Variants in KRTAP10-4 observed in about 807,000 individuals in gnomAD.
KRTAP10-4 encodes the protein keratin-associated protein 10-4.
For missense variants in KRTAP10-4, 374 were observed against 507.6 expected, an observed-to-expected ratio of 0.74 and a Z score of 2.53; for synonymous variants, 147 against 213.7, an observed-to-expected ratio of 0.69 and a Z score of 2.72.
In KRTAP10-4 at chr21:44,573,748, C is replaced by T. The variant is rs1555923028; in HGVS notation, c.-11C>T. The T allele has an allele frequency of 6.2e-7, 1 of 1,611,060 alleles. No individual in the cohort carries two copies. The highest frequency in any genetic ancestry group is 8.5e-7 in the Non-Finnish European group (1 of 1,178,368). On this transcript the variant is annotated 5_prime_UTR_variant, in exon 1 of 1. Coordinates refer to ENST00000400374, the MANE Select transcript of KRTAP10-4 (RefSeq NM_198687.2). ...TCCCCCAGCTCAACCCCCAGCACAG[C>T]AGCATCCACCATGTCCGTCTGCTCC...
chr21:44,574,459 G>A lies in KRTAP10-4; in HGVS notation c.701G>A (p.Cys234Tyr), dbSNP rs1467336415. 1.2e-6 allele frequency: 2 copies of A among 1,601,386 alleles called. No individual in the cohort carries two copies. The highest frequency in any genetic ancestry group is 1.7e-6 in the Non-Finnish European group (2 of 1,174,362). The change falls in exon 1 of 1, where the codon TGC becomes TAC. Residue 234 changes from cysteine to tyrosine, a missense_variant. Transcript: ENST00000400374. ...CQQACCVPVC[C>Y]KTVCCKPVCS... ...CAGGCCTGCTGCGTGCCCGTCTGCT[G>A]CAAGACTGTCTGCTGCAAGCCTGTG...
At chr21:44,573,850 A>AC in the KRTAP10-4 span, 1 of 1,595,090 alleles carries the variant, frequency 6.3e-7, no homozygotes, top group Non-Finnish European at 8.6e-7. Context: ...CAGGTGGACG[A>AC]CTGCCCAGAG....
rs199545235 is a variant in KRTAP10-4 at position 44,574,095 on chromosome 21, G to A, written c.337G>A (p.Val113Ile). ...SPCQQACCVP[V>I]CCKTVCCKPV... ...CTGCCAGCAGGCCTGCTGCGTGCCC[G>A]TCTGCTGCAAGACTGTCTGCTGCAA... The change falls in exon 1 of 1, where the codon GTC becomes ATC. Residue 113 changes from valine (V) to isoleucine (I), a missense_variant. Physicochemically the swap from Val to Ile is conservative, Grantham distance 29. Transcript: ENST00000400374. 4.3e-5 allele frequency: 69 copies of A among 1,607,736 alleles called. No homozygotes were observed. The highest frequency in any genetic ancestry group is 1.5e-4 in the African/African-American group (11 of 73,766).
rs370710609 is a variant in KRTAP10-4 at position 44,574,871 on chromosome 21, C to G, written c.1113C>G (p.Pro371=). The change falls in exon 1 of 1, where the codon CCC becomes CCG. Residue 371 remains proline, a synonymous_variant. Transcript: ENST00000400374. The part of the protein sequence containing the change: ...VSLLCRPVCR[P]ACCVPVPSCC... ...TCCTCTGCCGCCCCGTGTGCAGGCCCGCCTGCTGCGTGCCCGTCCCTTCCT... is the reference window on the plus strand; with the variant it reads ...TCCTCTGCCGCCCCGTGTGCAGGCCGGCCTGCTGCGTGCCCGTCCCTTCCT... The G allele has an allele frequency of 1.9e-6, 3 of 1,612,398 alleles. No homozygotes were observed. In the East Asian group the frequency reaches 6.7e-5, roughly 36 times the overall value.
the KRTAP10-4 span, chr21:44,574,653 C>T: frequency 9.4e-6 from 15 of 1,602,888 alleles, no homozygotes; most frequent in Non-Finnish European, 1.2e-5. Flanking sequence ...TCTGTGCTGC[C>T]AGCAGTCTAG....
At position 44,575,168 on chromosome 21, in the gene KRTAP10-4, A is replaced by C; in HGVS notation, c.*204A>C. 4 of 828,814 alleles carry C rather than the reference A, an allele frequency of 4.8e-6. No individual in the cohort carries two copies. Among genetic ancestry groups the C allele is most frequent in the Non-Finnish European group, 5.6e-6 (3 of 533,454 alleles). 51.3% of individuals were successfully genotyped at this position (828,814 alleles called of 1,614,324 possible). On this transcript the variant is annotated 3_prime_UTR_variant, in exon 1 of 1. Coordinates refer to ENST00000400374, the MANE Select transcript of KRTAP10-4 (RefSeq NM_198687.2). ...TGGAAGAACTGAAAGTCTATACTCAATGCTGCAGCCCTCTTGCGGGGGGAG... is the reference window on the plus strand; with the variant it reads ...TGGAAGAACTGAAAGTCTATACTCACTGCTGCAGCCCTCTTGCGGGGGGAG...
At position 44,574,402 on chromosome 21, in the gene KRTAP10-4, A is replaced by G. The variant is rs1555923354; in HGVS notation, c.644A>G (p.Gln215Arg). 6.2e-7 allele frequency: 1 copy of G among 1,602,460 alleles called. No homozygotes were observed. The highest frequency in any genetic ancestry group is 1.7e-5 in the Admixed American group (1 of 59,204). ...TCGTGCTGCCAGCAGTCTAGCTGCC[A>G]GCCGGCTTGCTGCACCTCCTCCTCC... Reference protein sequence around the residue: ...TPSCCQQSSCQPACCTSSSCQ... With the variant: ...TPSCCQQSSCRPACCTSSSCQ... The change falls in exon 1 of 1, where the codon CAG becomes CGG. Residue 215 changes from glutamine (Q) to arginine (R), a missense_variant. Coordinates refer to ENST00000400374, the MANE Select transcript of KRTAP10-4 (RefSeq NM_198687.2).
chr21:44,574,332 G>A lies in KRTAP10-4; in HGVS notation c.574G>A (p.Glu192Lys). 6.2e-7 allele frequency: 1 copy of A among 1,606,652 alleles called. No individual in the cohort carries two copies. Among genetic ancestry groups the A allele is most frequent in the Non-Finnish European group, 8.5e-7 (1 of 1,177,966 alleles). ...CAGCCCCTGCTGCCAGGCGGTCTGT[G>A]AGCCCAGCCCCTGCCAATCAGGCTG... is the stretch of plus-strand genomic sequence containing the variant. ...VSSPCCQAVC[E>K]PSPCQSGCIS... The change falls in exon 1 of 1, where the codon GAG becomes AAG. Residue 192 changes from glutamate (E) to lysine (K), a missense_variant. Coordinates refer to ENST00000400374, the MANE Select transcript of KRTAP10-4 (RefSeq NM_198687.2).
chr21:44,575,257 G>A lies in KRTAP10-4; in HGVS notation c.*293G>A, dbSNP rs1555923790. ...CCTCCATATCTCCCACCTCTCATGA[G>A]GGTCAGTTCAGCCTTGACCCGTGAG... On this transcript the variant is annotated 3_prime_UTR_variant, in exon 1 of 1. Coordinates refer to ENST00000400374, the MANE Select transcript of KRTAP10-4 (RefSeq NM_198687.2). 10 of 577,038 alleles carry A rather than the reference G, an allele frequency of 1.7e-5. No individual in the cohort carries two copies. Among genetic ancestry groups the A allele is most frequent in the Non-Finnish European group, 2.8e-5 (9 of 315,942 alleles). The allele number at this position is 577,038 out of a possible 1,614,324, so 35.7% of individuals were successfully genotyped here.
chr21:44,574,946 C>A lies in KRTAP10-4; in HGVS notation c.1188C>A (p.Ser396=), dbSNP rs782452112. Residue 396 remains serine (S), a synonymous_variant, in exon 1 of 1, where the codon TCC becomes TCA. Coordinates refer to ENST00000400374, the MANE Select transcript of KRTAP10-4 (RefSeq NM_198687.2). ...AACCCAGCTGCTGCCGCCCAGCCTC[C>A]TGCGTGTCCCTCCTCTGACGCCCCG... The part of the protein sequence containing the change: ...SCQPSCCRPA[S]CVSLL 3 of 1,605,780 alleles carry A rather than the reference C, an allele frequency of 1.9e-6. No homozygotes were observed. The highest frequency in any genetic ancestry group is 2.6e-6 in the Non-Finnish European group (3 of 1,175,926).
chr21:44,574,034 G>T lies in KRTAP10-4; in HGVS notation c.276G>T (p.Gln92His), dbSNP rs376621599. 1 of 1,613,122 alleles carries T rather than the reference G, an allele frequency of 6.2e-7. No individual in the cohort carries two copies. The highest frequency in any genetic ancestry group is 2.2e-5 in the East Asian group (1 of 44,850). The change falls in exon 1 of 1, where the codon CAG becomes CAT. Residue 92 changes from glutamine (Q) to histidine (H), a missense_variant. Physicochemically the swap from Gln to His is conservative, Grantham distance 24 (BLOSUM62 0). Coordinates refer to ENST00000400374, the MANE Select transcript of KRTAP10-4 (RefSeq NM_198687.2). The stretch of plus-strand genomic sequence containing the variant: ...CCTGCACGCCCTCGTGCTGCCAGCA[G>T]TCTAGCTGCCAGCTGGCTTGCTGTG... ...TSSCTPSCCQ[Q>H]SSCQLACCAS... is the part of the protein sequence containing the mutation.
In KRTAP10-4 at chr21:44,573,937, T is replaced by C; in HGVS notation, c.179T>C (p.Val60Ala). The C allele has an allele frequency of 6.2e-7, 1 of 1,612,488 alleles. No homozygotes were observed. Among genetic ancestry groups the C allele is most frequent in the Non-Finnish European group, 8.5e-7 (1 of 1,179,504 alleles). The change falls in exon 1 of 1, where the codon GTG becomes GCG. Residue 60 changes from valine (V) to alanine (A), a missense_variant. Transcript: ENST00000400374. ...TGCCTGAGCCTGGTCTGCACCCCAG[T>C]GAGCCGTGTGTCCAGCCCCTGCTGC... ...APCLSLVCTP[V>A]SRVSSPCCPV...
Position 44,575,029 on chromosome 21 carries a change from G to A in KRTAP10-4, c.*65G>A. ...TCAGGTCAGAAGCCCAGCTGCTGAT[G>A]GACACGCCCCCCAGTGCCAGCCAGG... On this transcript the variant is annotated 3_prime_UTR_variant, in exon 1 of 1. Transcript: ENST00000400374. 6.3e-7 allele frequency: 1 copy of A among 1,586,814 alleles called. No homozygotes were observed. The highest frequency in any genetic ancestry group is 8.6e-7 in the Non-Finnish European group (1 of 1,165,680).
Position 44,574,963 on chromosome 21 carries a change from G to A in KRTAP10-4, c.1205G>A (p.Ter402=), listed in dbSNP as rs782275017. The A allele has an allele frequency of 2.2e-5, 35 of 1,606,138 alleles. No homozygotes were observed. The East Asian group carries it at 7.6e-4, about 35-fold the overall frequency. The change falls in exon 1 of 1, where the codon TGA becomes TAA. Residue 402 remains the stop codon, a stop_retained_variant. Coordinates refer to ENST00000400374, the MANE Select transcript of KRTAP10-4 (RefSeq NM_198687.2). Reference sequence around the variant, plus strand: ...CCAGCCTCCTGCGTGTCCCTCCTCTGACGCCCCGTGTGCTCCCGCCCAGCC... The same window carrying A: ...CCAGCCTCCTGCGTGTCCCTCCTCTAACGCCCCGTGTGCTCCCGCCCAGCC... ...CRPASCVSLL[*]
rs782006974 is a variant in KRTAP10-4, at chr21:44,574,803, T to A, written c.1045T>A (p.Cys349Ser). The A allele has an allele frequency of 6.2e-7, 1 of 1,614,112 alleles. No individual in the cohort carries two copies. The highest frequency in any genetic ancestry group is 8.5e-7 in the Non-Finnish European group (1 of 1,180,018). The change falls in exon 1 of 1, where the codon TGC becomes AGC. Residue 349 changes from cysteine (C) to serine (S), a missense_variant. Cys to Ser is a moderately radical substitution (Grantham distance 112, BLOSUM62 -1). Transcript: ENST00000400374. ...CCQQSSCQPA[C>S]CTTSCCRPSS... ...CCAGCAATCTAGCTGCCAGCCAGCT[T>A]GCTGCACCACCTCCTGCTGCAGACC...
In KRTAP10-4 at chr21:44,574,580, C is replaced by G. The variant is rs587619253; in HGVS notation, c.822C>G (p.Val274=). The G allele has an allele frequency of 4.6e-6, 6 of 1,308,968 alleles. No homozygotes were observed. The highest frequency in any genetic ancestry group is 6.1e-5 in the East Asian group (2 of 32,796). 81.1% of individuals were successfully genotyped at this position (1,308,968 alleles called of 1,614,324 possible). Reference sequence around the variant, plus strand: ...GCCAGCAGGCTTGCTGTGTGCCTGTCTGCTGCAAGCCTGTGTGCTGCAAGC... The same window carrying G: ...GCCAGCAGGCTTGCTGTGTGCCTGTGTGCTGCAAGCCTGTGTGCTGCAAGC... The part of the protein sequence containing the change: ...SPCQQACCVP[V]CCKPVCCKPV... The change falls in exon 1 of 1, where the codon GTC becomes GTG. Residue 274 remains valine (V), a synonymous_variant. Transcript: ENST00000400374.
Position 44,575,085 on chromosome 21 carries a change from G to C in KRTAP10-4, c.*121G>C. On this transcript the variant is annotated 3_prime_UTR_variant, in exon 1 of 1. Transcript: ENST00000400374. ...GTCCCACCTGAAAGCTGATAGTCGC[G>C]TCCTGAATTGCTCCTGCACTTTGAC... is the stretch of plus-strand genomic sequence containing the variant. 7.1e-7 allele frequency: 1 copy of C among 1,404,030 alleles called. No homozygotes were observed. The highest frequency in any genetic ancestry group is 9.7e-7 in the Non-Finnish European group (1 of 1,029,620). The allele number at this position is 1,404,030 out of a possible 1,614,324, so 87.0% of individuals were successfully genotyped here. A position where few individuals can be genotyped will look rare whatever the true frequency, so the allele number is the denominator to read the frequency against.
In KRTAP10-4 at chr21:44,574,458, T is replaced by G. The variant is rs78156555; in HGVS notation, c.700T>G (p.Cys234Gly). The change falls in exon 1 of 1, where the codon TGC (cysteine) becomes GGC (glycine). Residue 234 changes from cysteine (C) to glycine (G), a missense_variant. By Grantham distance (159) the Cys-to-Gly change is radical (BLOSUM62 -3). Coordinates refer to ENST00000400374, the MANE Select transcript of KRTAP10-4 (RefSeq NM_198687.2). ...GCAGGCCTGCTGCGTGCCCGTCTGC[T>G]GCAAGACTGTCTGCTGCAAGCCTGT... Reference protein sequence around the residue: ...CQQACCVPVCCKTVCCKPVCS... With the variant: ...CQQACCVPVCGKTVCCKPVCS... 2.5e-3 allele frequency: 3,930 copies of G among 1,602,634 alleles called. 76 individuals carry two copies. The African/African-American group carries it at 0.047, about 19-fold the overall frequency.
In KRTAP10-4 at chr21:44,575,084, C is replaced by A. The variant is rs879962741; in HGVS notation, c.*120C>A. On this transcript the variant is annotated 3_prime_UTR_variant, in exon 1 of 1. Transcript: ENST00000400374. ...GGTCCCACCTGAAAGCTGATAGTCG[C>A]GTCCTGAATTGCTCCTGCACTTTGA... 2 of 1,421,776 alleles carry A rather than the reference C, an allele frequency of 1.4e-6. No individual in the cohort carries two copies. Among genetic ancestry groups the A allele is most frequent in the Non-Finnish European group, 1.9e-6 (2 of 1,044,232 alleles). The allele number at this position is 1,421,776 out of a possible 1,614,324, so 88.1% of individuals were successfully genotyped here.
Sources: gnomAD v4.1 joint callset for allele counts on GRCh38, gnomAD v4.1.1 for gene constraint, MANE v1.5 for transcripts, NCBI Gene and HGNC (gene_info 2026-07-23, HGNC 2026-07-21) for gene names.